WWOX: variants seen among roughly 807,000 people sequenced by gnomAD.
The protein encoded by WWOX is WW domain-containing oxidoreductase.
A neutral mutation model predicts 46.2 loss-of-function variants in WWOX; 69 were observed. The ratio of observed to expected loss-of-function variants is 1.49; its 90% CI spans 1.23 to 1.82. The LOEUF is 1.82. Ranked by LOEUF, WWOX falls within the 40% of genes most tolerant of loss-of-function variation. The pLI, the probability that WWOX is intolerant of heterozygous loss-of-function variation, is 0.00. For synonymous variants in WWOX, 359 were observed against 202.6 expected, an observed-to-expected ratio of 1.77 and a Z score of -6.56; for missense variants, 919 against 542.6, an observed-to-expected ratio of 1.69 and a Z score of -6.89.
At chr16:78,105,954 A>G (rs191630138) in intron 1 of WWOX, among the ~76,000 whole-genome samples, 262 of 152,276 alleles carry the variant, frequency 1.7e-3, no homozygotes, top group Non-Finnish European at 3.0e-3. Flanking sequence ...GGCATGTGCC[A>G]CCATGTCTGT....
intron 8 of WWOX, among the ~76,000 whole-genome samples, chr16:78,803,884 C>G (rs2050959182): frequency 6.6e-6 from 1 of 152,092 alleles, no homozygotes; most frequent in African/African-American, 2.4e-5. Flanking sequence ...TCGTTTCTCC[C>G]AAATAACCAT....
intron 4 of WWOX, among the ~76,000 whole-genome samples, chr16:78,154,518 A>T (rs1597278631): frequency 1.4e-5 from 1 of 71,894 alleles, no homozygotes; most frequent in African/African-American, 5.5e-5. Context: ...TTTGCCAAGC[A>T]CCCTGCCTTT....
intron 8 of WWOX, among the ~76,000 whole-genome samples, chr16:78,667,622 G>A (rs1189341267): frequency 1.5e-5 from 2 of 129,948 alleles, no homozygotes; most frequent in East Asian, 2.3e-4. Context: ...AGTGAGCCAA[G>A]ATCGTGCCAC....
At chr16:79,197,984 A>G (rs1164923854) in intron 8 of WWOX, among the ~76,000 whole-genome samples, 3 of 152,180 alleles carry the variant, frequency 2.0e-5, no homozygotes, top group Non-Finnish European at 4.4e-5. Context: ...TGTGTACAAC[A>G]GTTTAAATCA....
chr16:78,460,342 G>C (rs578061480), intron 8 of WWOX, among the ~76,000 whole-genome samples: 19 of 150,958 alleles, frequency 1.3e-4, no homozygotes, highest in African/African-American at 4.6e-4. Context: ...TGGCCAGGTT[G>C]TTCTCAAACT....
chr16:78,176,305 C>T (rs1281207846), intron 5 of WWOX, among the ~76,000 whole-genome samples: 1 of 152,160 alleles, frequency 6.6e-6, no homozygotes, highest in Non-Finnish European at 1.5e-5. Flanking sequence ...CTTTGTAACC[C>T]CTGTCCCTCT....
chr16:78,753,663 A>G (rs1300691399), intron 8 of WWOX, among the ~76,000 whole-genome samples: 2 of 151,252 alleles, frequency 1.3e-5, no homozygotes, highest in African/African-American at 4.9e-5. Context: ...TTAGCTGGGC[A>G]TTGTGGTATG....
intron 8 of WWOX, among the ~76,000 whole-genome samples, chr16:78,519,380 C>T (rs758581073): frequency 6.6e-6 from 1 of 152,124 alleles, no homozygotes; most frequent in African/African-American, 2.4e-5. Flanking sequence ...GGCTTAGTTT[C>T]TTCCTCTACC....
At chr16:78,617,796 C>T (rs991292797) in intron 8 of WWOX, among the ~76,000 whole-genome samples, 1 of 152,130 alleles carries the variant, frequency 6.6e-6, no homozygotes, top group Non-Finnish European at 1.5e-5. Context: ...CCTCCAGCAT[C>T]CCAGGAACTC....
intron 5 of WWOX, among the ~76,000 whole-genome samples, chr16:78,267,841 G>A (rs2079399845): frequency 2.0e-5 from 3 of 152,190 alleles, no homozygotes; most frequent in Admixed American, 2.0e-4. Flanking sequence ...CCGGGTTCAA[G>A]TGATTCTCCT....
intron 8 of WWOX, among the ~76,000 whole-genome samples, chr16:78,768,036 G>A (rs116992336): frequency 6.6e-6 from 1 of 152,036 alleles, no homozygotes; most frequent in African/African-American, 2.4e-5. Flanking sequence ...TGTTTACATT[G>A]GGGAGGTTGG....
At chr16:78,919,608 C>T (rs920562656) in intron 8 of WWOX, among the ~76,000 whole-genome samples, 1 of 151,264 alleles carries the variant, frequency 6.6e-6, no homozygotes, top group Admixed American at 6.6e-5. Context: ...ACCTCCGCCT[C>T]CCGGGATCAA....
At chr16:78,763,557 C>G (rs2049846930) in intron 8 of WWOX, among the ~76,000 whole-genome samples, 2 of 152,194 alleles carry the variant, frequency 1.3e-5, no homozygotes, top group South Asian at 2.1e-4. Flanking sequence ...ATCTCTCAAA[C>G]TCAGGTTCTT....
chr16:79,103,498 G>A (rs2049244603), intron 8 of WWOX, among the ~76,000 whole-genome samples: 1 of 152,116 alleles, frequency 6.6e-6, no homozygotes, highest in Non-Finnish European at 1.5e-5. Flanking sequence ...GGCCCCCACT[G>A]GGAACCCTTA....
At chr16:78,541,019 T>A (rs979564922) in intron 8 of WWOX, among the ~76,000 whole-genome samples, 1 of 151,950 alleles carries the variant, frequency 6.6e-6, no homozygotes, top group Non-Finnish European at 1.5e-5. Context: ...GTCAGCTGAG[T>A]TGGGGAGGTG....
At chr16:78,441,779 C>G (rs1170566867) in intron 8 of WWOX, among the ~76,000 whole-genome samples, 1 of 151,984 alleles carries the variant, frequency 6.6e-6, no homozygotes, top group African/African-American at 2.4e-5. Flanking sequence ...CTACAGTGTG[C>G]TAGATGCTTA....
At chr16:78,539,856 C>T (rs1167194471) in intron 8 of WWOX, among the ~76,000 whole-genome samples, 2 of 152,032 alleles carry the variant, frequency 1.3e-5, no homozygotes, top group Admixed American at 6.6e-5. Context: ...ATTACTGTAC[C>T]TCTATTGGGA....
chr16:79,014,014 A>G (rs1232567234), intron 8 of WWOX, among the ~76,000 whole-genome samples: 2 of 152,154 alleles, frequency 1.3e-5, no homozygotes, highest in East Asian at 3.9e-4. Flanking sequence ...GGCATGCGAT[A>G]TGCTTCTCAG....
At chr16:78,731,845 C>CTTTTTT (rs200790501) in intron 8 of WWOX, among the ~76,000 whole-genome samples, 1 of 129,122 alleles carries the variant, frequency 7.7e-6, no homozygotes, top group African/African-American at 2.9e-5. Context: ...TTTTCTTTCT[C>CTTTTTT]TTTTTTTTTT....
Sources: allele counts gnomAD v4.1 joint callset (sites outside exome capture counted in the v4.1 genomes callset), GRCh38; gene constraint gnomAD v4.1.1; transcripts MANE v1.5; gene names NCBI Gene and HGNC (gene_info 2026-07-23, HGNC 2026-07-21).